The following KIF3A variants were observed in gnomAD, a reference collection of about 807,000 sequenced individuals.
KIF3A encodes kinesin-like protein KIF3A.
In KIF3A, 27 loss-of-function variants were observed where a neutral mutation model predicts 92.6. The observed-to-expected ratio is 0.29, with a 90% CI of 0.21 to 0.40. KIF3A has a LOEUF of 0.40. Among genes scored for constraint, KIF3A ranks in the 10% least tolerant of loss-of-function variants. The pLI is 1.00. For missense variants in KIF3A, 581 were observed against 872.6 expected, an observed-to-expected ratio of 0.67 and a Z score of 4.21; for synonymous variants, 250 against 275.4, an observed-to-expected ratio of 0.91 and a Z score of 0.92.
intron 6 of KIF3A, among the ~76,000 whole-genome samples, 153 bp downstream of exon 6, chr5:132,716,692 A>G (rs190057034): frequency 3.3e-5 from 5 of 152,316 alleles, no homozygotes; most frequent in Admixed American, 1.3e-4. Flanking sequence ...TTTCATATAC[A>G]TTTGAAATGT....
chr5:132,704,520 TA>T (rs1753145530), intron 11 of KIF3A, among the ~76,000 whole-genome samples: 1 of 151,964 alleles, frequency 6.6e-6, no homozygotes, highest in Non-Finnish European at 1.5e-5. Context: ...GAAAGTTTAT[TA>T]ATGAATTTCA....
At position 132,715,869 on chromosome 5, in the gene KIF3A, G is replaced by C. The variant is rs138937885; in HGVS notation, c.1017C>G (p.Ala339=). ...YDETISTLRY[A]NRAKNIKNKA... is the part of the protein sequence containing the mutation. ...TATTTTTAATATTCTTAGCACGATT[G>C]GCATACCGTAATGTACTGATAGTTT... The change falls in exon 8 of 19, where the codon GCC becomes GCG. Residue 339 remains alanine (A), a synonymous_variant. Transcript: ENST00000403231. 1.7e-5 allele frequency: 28 copies of C among 1,608,324 alleles called. No homozygotes were observed. In the African/African-American group the frequency reaches 3.2e-4, roughly 18 times the overall value.
chr5:132,728,692 G>A (rs778126912), intron 2 of KIF3A, among the ~76,000 whole-genome samples: 6 of 151,936 alleles, frequency 3.9e-5, no homozygotes, highest in South Asian at 2.1e-4. Context: ...AGCCAAGATC[G>A]CACCATTGCA....
rs139550270 is a variant in KIF3A at position 132,728,219 on chromosome 5, A to T, written c.281-1721T>A. The stretch of plus-strand genomic sequence containing the variant: ...ATGTACTTTACATGCTTTTTTTTTA[A>T]GAGATGAGGTCTTGCCCTGTCACTC... On this transcript the variant is annotated intron_variant, in intron 2 of 18. Transcript: ENST00000403231. Among the ~76,000 whole-genome samples the T allele has an allele frequency of 2.6e-5, 4 of 152,050 alleles. No homozygotes were observed. In the East Asian group the frequency reaches 7.7e-4, roughly 29 times the overall value.
chr5:132,698,402 C>G (rs566651864), intron 18 of KIF3A, among the ~76,000 whole-genome samples: 2 of 152,244 alleles, frequency 1.3e-5, no homozygotes, highest in South Asian at 4.1e-4. Context: ...GCAGACTACC[C>G]AACAGTCAAA....
intron 15 of KIF3A, 80 bp downstream of exon 15, chr5:132,702,007 T>TTTATCCA: frequency 1.4e-6 from 2 of 1,419,832 alleles, no homozygotes; most frequent in South Asian, 2.7e-5. Flanking sequence ...GTATTAAGTA[T>TTTATCCA]TTATCATCAG....
intron 18 of KIF3A, among the ~76,000 whole-genome samples, chr5:132,697,102 T>G (rs550105058): frequency 1.3e-5 from 2 of 152,270 alleles, no homozygotes; most frequent in Non-Finnish European, 2.9e-5. Flanking sequence ...TAGGGACTTA[T>G]GGAAATGCTA....
Position 132,716,356 on chromosome 5 carries a change from A to G in KIF3A, c.843T>C (p.Gly281=). Reference sequence around the variant, plus strand: ...CATCAACCAAGGCAGAAATTACATTACCAAGGGTGGAAAGTGAAAGATTGA... The same window carrying G: ...CATCAACCAAGGCAGAAATTACATTGCCAAGGGTGGAAAGTGAAAGATTGA... ...TKINLSLSTL[G]NVISALVDGK... The change falls in exon 7 of 19, where the codon GGT becomes GGC. Residue 281 remains glycine (G), a synonymous_variant. Coordinates refer to ENST00000403231, the MANE Select transcript of KIF3A (RefSeq NM_001300791.2). The G allele has an allele frequency of 1.2e-6, 2 of 1,613,988 alleles. No homozygotes were observed. The highest frequency in any genetic ancestry group is 4.5e-5 in the East Asian group (2 of 44,866).
At chr5:132,699,752 C>G (rs911055045) in intron 17 of KIF3A, among the ~76,000 whole-genome samples, 1 of 151,460 alleles carries the variant, frequency 6.6e-6, no homozygotes, top group African/African-American at 2.4e-5. Context: ...TTAGTAGAGA[C>G]GGGGTTTCAC....
chr5:132,736,876 C>G, intron 1 of KIF3A: 1 of 381,990 alleles, frequency 2.6e-6, no homozygotes. Flanking sequence ...ATAAACATAA[C>G]ACCGCCACAC....
rs200416616 is a variant in KIF3A at position 132,716,398 on chromosome 5, T to C, written c.801A>G (p.Leu267=). 3.7e-4 allele frequency: 602 copies of C among 1,614,034 alleles called. No individual in the cohort carries two copies. The highest frequency in any genetic ancestry group is 4.9e-4 in the Non-Finnish European group (576 of 1,179,950). ...AAAGATTGATTTTTGTAGCTTCCTT[T>C]AGGCGCTGTCCAGTAGCTCCAGTTT... The part of the protein sequence containing the change: ...QAKTGATGQR[L]KEATKINLSL... Residue 267 remains leucine, a synonymous_variant, in exon 7 of 19, where the codon CTA becomes CTG. Transcript: ENST00000403231.
intron 2 of KIF3A, among the ~76,000 whole-genome samples, chr5:132,728,416 T>C (rs1240136413): frequency 8.5e-5 from 13 of 152,158 alleles, no homozygotes; most frequent in Admixed American, 8.5e-4. Context: ...ATAGGCACTA[T>C]TTATTATTAT....
intron 14 of KIF3A, 109 bp downstream of exon 14, chr5:132,702,449 T>C: frequency 1.4e-6 from 1 of 713,458 alleles, no homozygotes; most frequent in South Asian, 2.3e-5. Flanking sequence ...ATATTTTATT[T>C]CTTTTAAATT....
rs1753917274 is a variant in KIF3A at position 132,724,057 on chromosome 5, C to A, written c.510+2071G>T. ...AACAGACACATGAAAAAATGCTCAT[C>A]ATCACTGGTCATCAGAGAAATGCAA... On this transcript the variant is annotated intron_variant, in intron 4 of 18. Transcript: ENST00000403231. Among the ~76,000 whole-genome samples, 3 of 152,318 alleles carry A rather than the reference C, an allele frequency of 2.0e-5. No individual in the cohort carries two copies. The South Asian group carries it at 6.2e-4, about 32-fold the overall frequency.
Position 132,726,380 on chromosome 5 carries a change from A to G in KIF3A, c.399T>C (p.His133=), listed in dbSNP as rs1402252604. Residue 133 remains histidine (H), a synonymous_variant, in exon 3 of 19, where the codon CAT becomes CAC. Coordinates refer to ENST00000403231, the MANE Select transcript of KIF3A (RefSeq NM_001300791.2). ...IPNSFAHIFG[H]IAKAEGDTRF... ...TTGTATCACCCTCCGCTTTTGCAAT[A>G]TGACCAAATATGTGAGCAAATGAAT... 7 of 1,613,788 alleles carry G rather than the reference A, an allele frequency of 4.3e-6. No individual in the cohort carries two copies. Among genetic ancestry groups the G allele is most frequent in the Non-Finnish European group, 5.9e-6 (7 of 1,179,754 alleles).
At chr5:132,712,333 G>A (rs1753456874) in intron 8 of KIF3A, among the ~76,000 whole-genome samples, 1 of 152,192 alleles carries the variant, frequency 6.6e-6, no homozygotes, top group Non-Finnish European at 1.5e-5. Flanking sequence ...CATGCTGAAA[G>A]AATACAGGAA....
intron 18 of KIF3A, among the ~76,000 whole-genome samples, chr5:132,698,497 G>A (rs1752913386): frequency 6.6e-6 from 1 of 152,134 alleles, no homozygotes; most frequent in Admixed American, 6.6e-5. Flanking sequence ...TGGGGCACCT[G>A]ACAGAAAAAC....
intron 5 of KIF3A, among the ~76,000 whole-genome samples, chr5:132,720,350 T>C (rs926771314): frequency 1.3e-5 from 2 of 152,334 alleles, no homozygotes; most frequent in Admixed American, 6.5e-5. Context: ...TTTACTATTA[T>C]AGCTACCAAG....
intron 10 of KIF3A, among the ~76,000 whole-genome samples, chr5:132,708,143 G>A (rs540340879): frequency 3.2e-4 from 48 of 152,188 alleles, no homozygotes; most frequent in African/African-American, 1.1e-3. Flanking sequence ...TTAGCCAGGA[G>A]TGGTGGCGGG....
Sources: allele counts gnomAD v4.1 joint callset (sites outside exome capture counted in the v4.1 genomes callset), GRCh38; gene constraint gnomAD v4.1.1; transcripts MANE v1.5; gene names NCBI Gene and HGNC (gene_info 2026-07-23, HGNC 2026-07-21).